STAT4: variants seen among roughly 807,000 people sequenced by gnomAD.
The protein encoded by STAT4 is signal transducer and activator of transcription 4.
A neutral mutation model predicts 110.5 loss-of-function variants in STAT4; 42 were observed. The ratio of observed to expected loss-of-function variants is 0.38; its 90% CI spans 0.30 to 0.49. STAT4 has a LOEUF of 0.49. STAT4 is among the 20% of genes least tolerant of loss of function. The pLI is 0.95. For missense variants in STAT4, 632 were observed against 887.9 expected, an observed-to-expected ratio of 0.71 and a Z score of 3.66; for synonymous variants, 284 against 302.2, an observed-to-expected ratio of 0.94 and a Z score of 0.63.
In STAT4 at chr2:191,130,748, A is replaced by G. The variant is rs190878473; in HGVS notation, c.273+15865T>C. Among the ~76,000 whole-genome samples, 3 of 151,632 alleles carry G rather than the reference A, an allele frequency of 2.0e-5. No homozygotes were observed. In the East Asian group the frequency reaches 5.8e-4, roughly 29 times the overall value. On this transcript the variant is annotated intron_variant, in intron 3 of 23. Transcript: ENST00000392320. Reference sequence around the variant, plus strand: ...CCGTGATTTCTTTTAATTTGTGGTGAGCTTATCTGTGCATTTAAAAGCCTG... The same window carrying G: ...CCGTGATTTCTTTTAATTTGTGGTGGGCTTATCTGTGCATTTAAAAGCCTG...
chr2:191,037,717 A>G lies in STAT4; in HGVS notation c.1435-1418T>C, dbSNP rs1206636415. 6.6e-6 allele frequency among the ~76,000 whole-genome samples: 1 copy of G among 152,220 alleles called. No individual in the cohort carries two copies. The highest frequency in any genetic ancestry group is 1.5e-5 in the Non-Finnish European group (1 of 68,036). On this transcript the variant is annotated intron_variant, in intron 16 of 23. Transcript: ENST00000392320. This position sits in a 1 kb window ranked among gnomAD's most constrained non-coding sequence, Gnocchi z 4.8. ...AGAGATTTCAGAAGGTGGGAATGAA[A>G]GAGGACACAGCATCCAACAAGGAAT...
chr2:191,040,596 C>CT (rs1696165016), intron 15 of STAT4, among the ~76,000 whole-genome samples: 1 of 152,106 alleles, frequency 6.6e-6, no homozygotes, highest in African/African-American at 2.4e-5. Flanking sequence ...AGGTCTCACT[C>CT]TGTCACCCAG....
At chr2:191,047,451 AGTC>A (rs1696381873) in intron 14 of STAT4, among the ~76,000 whole-genome samples, 1 of 152,174 alleles carries the variant, frequency 6.6e-6, no homozygotes, top group Non-Finnish European at 1.5e-5. Context: ...TGTGGGACTA[AGTC>A]CTTAGCCTGT....
At chr2:191,078,505 T>C (rs1394825465) in intron 3 of STAT4, among the ~76,000 whole-genome samples, 1 of 152,194 alleles carries the variant, frequency 6.6e-6, no homozygotes. Flanking sequence ...CTCACTTAAA[T>C]GTATGAACAA....
At chr2:191,057,581 CT>C (rs56816363) in intron 13 of STAT4, among the ~76,000 whole-genome samples, 107,088 of 121,442 alleles carry the variant, frequency 0.88, 47,578 homozygotes, top group South Asian at 0.97. Context: ...AATTTCTTTT[CT>C]TTTTTTTTTT....
intron 13 of STAT4, 92 bp from the exon 14 acceptor site, chr2:191,054,626 A>C: frequency 9.2e-7 from 1 of 1,090,144 alleles, no homozygotes; most frequent in South Asian, 1.4e-5. Context: ...TTTCTTGGCC[A>C]CAGTTTTGAC....
intron 3 of STAT4, among the ~76,000 whole-genome samples, chr2:191,111,418 A>G (rs1413817088): frequency 1.3e-5 from 2 of 152,208 alleles, no homozygotes; most frequent in African/African-American, 4.8e-5. Flanking sequence ...ACTTTTTTTC[A>G]AATGATCACA....
chr2:191,084,870 T>C (rs1017558130), intron 3 of STAT4, among the ~76,000 whole-genome samples: 1 of 151,934 alleles, frequency 6.6e-6, no homozygotes, highest in Non-Finnish European at 1.5e-5. Flanking sequence ...ATATAAAAAG[T>C]TTATGAAAAT....
At position 191,134,965 on chromosome 2, in the gene STAT4, A is replaced by T. The variant is rs1213375093; in HGVS notation, c.273+11648T>A. Among the ~76,000 whole-genome samples, 4 of 152,260 alleles carry T rather than the reference A, an allele frequency of 2.6e-5. No individual in the cohort carries two copies. In the South Asian group the frequency reaches 6.2e-4, roughly 24 times the overall value. ...GAAATAAACACCTACATAAAAAGAT[A>T]AAAAAGTCAAATAAACAATCTAATC... is the stretch of plus-strand genomic sequence containing the variant. On this transcript the variant is annotated intron_variant, in intron 3 of 23. Transcript: ENST00000392320.
chr2:191,120,950 A>G (rs1458139306), intron 3 of STAT4, among the ~76,000 whole-genome samples: 4 of 152,242 alleles, frequency 2.6e-5, no homozygotes, highest in Non-Finnish European at 2.9e-5. Flanking sequence ...GAGCTTCTGC[A>G]CAGCAAAAGA....
chr2:191,125,701 C>T (rs1198387561), intron 3 of STAT4, among the ~76,000 whole-genome samples: 1 of 151,950 alleles, frequency 6.6e-6, no homozygotes, highest in Non-Finnish European at 1.5e-5. Flanking sequence ...CCAGTCTGGT[C>T]TTGAACTCCT....
chr2:191,145,547 G>A lies in STAT4; in HGVS notation c.273+1066C>T, dbSNP rs567713619. 3.0e-3 allele frequency among the ~76,000 whole-genome samples: 459 copies of A among 152,154 alleles called. 1 individual carries two copies. The highest frequency in any genetic ancestry group is 8.3e-3 in the South Asian group (40 of 4,816). The stretch of plus-strand genomic sequence containing the variant: ...ATGCTGCCAAAAATCCTGTTTTGTC[G>A]GCAATATGCTATTGTCCTGTTTTTA... On this transcript the variant is annotated intron_variant, in intron 3 of 23. Transcript: ENST00000392320.
At chr2:191,063,376 CA>C (rs1245152890) in intron 8 of STAT4, among the ~76,000 whole-genome samples, 3 of 152,150 alleles carry the variant, frequency 2.0e-5, no homozygotes, top group Admixed American at 2.0e-4. Flanking sequence ...TCTTCCCACA[CA>C]ATATATATTT....
chr2:191,089,804 A>G (rs974983407), intron 3 of STAT4, among the ~76,000 whole-genome samples: 1 of 152,236 alleles, frequency 6.6e-6, no homozygotes. Flanking sequence ...GCCAACGTGA[A>G]AAGGCTACAT....
chr2:191,047,158 G>A (rs933309010), intron 14 of STAT4, among the ~76,000 whole-genome samples: 6 of 152,154 alleles, frequency 3.9e-5, no homozygotes, highest in Non-Finnish European at 8.8e-5. Flanking sequence ...GGAGGTGCTA[G>A]GAGGGTGGCG....
chr2:191,041,249 T>A (rs1327842295), intron 14 of STAT4, 101 bp from the exon 15 acceptor site: 1 of 465,014 alleles, frequency 2.2e-6, no homozygotes, highest in Non-Finnish European at 3.3e-6. Context: ...AATAAATTAA[T>A]AAAGTAAATA....
In STAT4 at chr2:191,039,018, T is replaced by G. The variant is rs1696117770; in HGVS notation, c.1434+181A>C. Among the ~76,000 whole-genome samples the G allele has an allele frequency of 6.6e-6, 1 of 152,164 alleles. No individual in the cohort carries two copies. The highest frequency in any genetic ancestry group is 1.5e-5 in the Non-Finnish European group (1 of 68,036). On this transcript the variant is annotated intron_variant, in intron 16 of 23. Coordinates refer to ENST00000392320, the MANE Select transcript of STAT4 (RefSeq NM_003151.4). This position sits in a 1 kb window ranked among gnomAD's most constrained non-coding sequence, Gnocchi z 4.7. ...TAGCAGAATTCTCTCAGGGTCCACATATATCAGAACATACTACTTTAAATA... is the reference window on the plus strand; with the variant it reads ...TAGCAGAATTCTCTCAGGGTCCACAGATATCAGAACATACTACTTTAAATA...
At chr2:191,096,130 G>A (rs1697971907) in intron 3 of STAT4, among the ~76,000 whole-genome samples, 2 of 152,074 alleles carry the variant, frequency 1.3e-5, no homozygotes, top group South Asian at 4.2e-4. Context: ...ATAATTAATA[G>A]CCTACCAACC....
chr2:191,033,505 C>T lies in STAT4; in HGVS notation c.1837G>A (p.Asp613Asn). The T allele has an allele frequency of 6.2e-7, 1 of 1,613,298 alleles. No homozygotes were observed. Residue 613 changes from aspartate to asparagine, a missense_variant, in exon 20 of 24, where the codon GAC (aspartate) becomes AAC (asparagine). Asp to Asn is a conservative substitution (Grantham distance 23). Around this residue, in one of 4 missense-constraint regions of STAT4, gnomAD observed 74 missense variants for 154.3 expected, o/e 0.48. Coordinates refer to ENST00000392320, the MANE Select transcript of STAT4 (RefSeq NM_003151.4). This position sits in a 1 kb window ranked among gnomAD's most constrained non-coding sequence, Gnocchi z 6.9. ...GAGTATATACCACTTTCAGAATGGTCCACCCAGGTGAAAGTTATTCCTCCG... is the reference window on the plus strand; with the variant it reads ...GAGTATATACCACTTTCAGAATGGTTCACCCAGGTGAAAGTTATTCCTCCG... ...HLGGITFTWVDHSESGEVRFH... is the reference protein window; with the variant it reads ...HLGGITFTWVNHSESGEVRFH...
Sources: gnomAD v4.1 joint callset for allele counts (sites outside exome capture counted in the v4.1 genomes callset) on GRCh38, gnomAD v4.1.1 for gene constraint, gnomAD v4.1.1 regional missense constraint, Gnocchi (gnomAD v3.1) non-coding constraint, MANE v1.5 for transcripts, NCBI Gene and HGNC (gene_info 2026-07-23, HGNC 2026-07-21) for gene names.